The following ZNF600 variants were observed in gnomAD, a reference collection of about 807,000 sequenced individuals.
ZNF600 encodes the protein zinc finger protein 600.
A neutral mutation model predicts 7.3 loss-of-function variants in ZNF600; 4 were observed. The ratio of observed to expected loss-of-function variants is 0.55; its 90% confidence interval spans 0.27 to 1.25. The LOEUF is 1.25. Ranked by LOEUF, ZNF600 falls within the 50% of genes most tolerant of loss-of-function variation. The probability of loss-of-function intolerance (pLI) is 0.12; values close to 1 mark genes in which losing one functional copy is unlikely to be tolerated. For synonymous variants in ZNF600, 290 were observed against 308.9 expected, an observed-to-expected ratio of 0.94 and a Z score of 0.64; for missense variants, 911 against 922.1, an observed-to-expected ratio of 0.99 and a Z score of 0.16.
chr19:52,808,829 C>T, the ZNF600 span, among the ~76,000 whole-genome samples: 12,286 of 151,640 alleles, frequency 0.081, 909 homozygotes, highest in South Asian at 0.2. Flanking sequence ...AAATAAAATA[C>T]GTGAAAACAA....
At chr19:52,773,737 T>C (rs2062649582) in intron 3 of ZNF600, among the ~76,000 whole-genome samples, 1 of 151,978 alleles carries the variant, frequency 6.6e-6, no homozygotes, top group Non-Finnish European at 1.5e-5. Context: ...CCCGGCATGG[T>C]GGTGCATGTC....
Position 52,778,323 on chromosome 19 carries a change from TA to T in ZNF600, c.63+502del, listed in dbSNP as rs531923267. Reference sequence around the variant, plus strand: ...GCACCTGAACCAACATCCTGTCTCTTAAAAAAAAAAAAAGTTTGGAATCACA... The same window carrying T: ...GCACCTGAACCAACATCCTGTCTCTTAAAAAAAAAAAAGTTTGGAATCACA... On this transcript the variant is annotated intron_variant, in intron 2 of 3. Transcript: ENST00000648973. Among the ~76,000 whole-genome samples the T allele has an allele frequency of 7.2e-3, 1,044 of 144,506 alleles. 6 individuals are homozygous for T. The highest frequency in any genetic ancestry group is 0.018 in the African/African-American group (700 of 39,942). The allele number at this position is 144,506 out of a possible 152,430, so 94.8% of individuals were successfully genotyped here.
intron 1 of ZNF600, chr19:52,781,405 C>T (rs57386417): frequency 0.2 from 30,774 of 151,900 alleles, 3,535 homozygotes; most frequent in African/African-American, 0.29. Flanking sequence ...GGAGGAAGGA[C>T]GTGTGGCTGA....
the ZNF600 span, chr19:52,800,401 G>A: frequency 6.2e-7 from 1 of 1,612,602 alleles, no homozygotes; most frequent in Admixed American, 1.7e-5. Flanking sequence ...TGTCTTTCAA[G>A]GTGTGATTTG....
the ZNF600 span, among the ~76,000 whole-genome samples, chr19:52,818,664 G>A: frequency 3.3e-5 from 5 of 151,948 alleles, no homozygotes; most frequent in East Asian, 1.9e-4. Context: ...CCAAGATCGC[G>A]CCACTCCACT....
the ZNF600 span, among the ~76,000 whole-genome samples, chr19:52,817,567 C>T: frequency 1.2e-4 from 19 of 152,048 alleles, no homozygotes; most frequent in Admixed American, 1.2e-3. Context: ...GTACTTTGTG[C>T]ACATTAATAC....
the ZNF600 span, among the ~76,000 whole-genome samples, chr19:52,832,798 G>A: frequency 6.6e-6 from 1 of 151,922 alleles, no homozygotes; most frequent in Non-Finnish European, 1.5e-5. Flanking sequence ...TTGAGATGGA[G>A]TCTTGCCCTG....
the ZNF600 span, among the ~76,000 whole-genome samples, chr19:52,829,001 C>T: frequency 6.6e-6 from 1 of 152,084 alleles, no homozygotes; most frequent in Admixed American, 6.6e-5. Flanking sequence ...GCTGGGAACA[C>T]AGGCGCCTGC....
chr19:52,778,771 C>T (rs1359891698), intron 2 of ZNF600, 55 bp downstream of exon 4: 58 of 1,564,172 alleles, frequency 3.7e-5, no homozygotes, highest in Non-Finnish European at 4.7e-5. Context: ...GCTACAATAC[C>T]TGGCATTTCA....
At chr19:52,788,438 C>A (rs571319893), upstream of ZNF600, among the ~76,000 whole-genome samples, 1 of 152,050 alleles carries the variant, frequency 6.6e-6, no homozygotes, top group Non-Finnish European at 1.5e-5. Flanking sequence ...AAAAAAAATA[C>A]GAGATTTAAT....
the ZNF600 span, among the ~76,000 whole-genome samples, chr19:52,794,574 GGC>G: frequency 6.6e-6 from 1 of 152,150 alleles, no homozygotes; most frequent in Non-Finnish European, 1.5e-5. Context: ...TTCCAGGATG[GGC>G]CGGGCATGGC....
chr19:52,824,264 G>A, the ZNF600 span, among the ~76,000 whole-genome samples: 2 of 151,996 alleles, frequency 1.3e-5, no homozygotes, highest in East Asian at 1.9e-4. Flanking sequence ...TCTTACATAG[G>A]CATCCAGGTA....
chr19:52,825,046 T>C, the ZNF600 span, among the ~76,000 whole-genome samples: 11 of 151,992 alleles, frequency 7.2e-5, no homozygotes, highest in Admixed American at 1.3e-4. Flanking sequence ...GCAGGGCACA[T>C]GGTGCTCTCT....
the ZNF600 span, among the ~76,000 whole-genome samples, chr19:52,803,625 C>A: frequency 1.3e-5 from 2 of 152,168 alleles, no homozygotes. Context: ...AAGATCACTA[C>A]TTTCTGATAT....
chr19:52,829,865 A>G, the ZNF600 span, among the ~76,000 whole-genome samples: 3 of 152,142 alleles, frequency 2.0e-5, no homozygotes, highest in South Asian at 2.1e-4. Flanking sequence ...GAAAAGGAGC[A>G]TGTCATCATC....
the ZNF600 span, chr19:52,805,175 CAGG>C: frequency 6.6e-6 from 1 of 151,670 alleles, no homozygotes; most frequent in Non-Finnish European, 1.5e-5. Context: ...AAGGCTGAGG[CAGG>C]AGAATTGCTT....
At chr19:52,766,105 C>T (rs1204010475) in exon 4 of ZNF600, 1 of 1,614,126 alleles carries the variant, frequency 6.2e-7, no homozygotes, top group Non-Finnish European at 8.5e-7. Context: ...TAAGGTTTCT[C>T]ACCACTATGA....
chr19:52,799,343 C>G, the ZNF600 span: 1 of 499,928 alleles, frequency 2.0e-6, no homozygotes, highest in East Asian at 3.7e-5. Flanking sequence ...TGTCATAAAC[C>G]TTACATCTGT....
upstream of ZNF600, among the ~76,000 whole-genome samples, chr19:52,787,845 G>A (rs1279609929): frequency 5.1e-5 from 7 of 138,414 alleles, no homozygotes; most frequent in African/African-American, 1.9e-4. Flanking sequence ...GGGCGACAGA[G>A]CGAGGCTACG....
Sources: allele counts gnomAD v4.1 joint callset (sites outside exome capture counted in the v4.1 genomes callset), GRCh38; gene constraint gnomAD v4.1.1; transcripts MANE v1.5; gene names NCBI Gene and HGNC (gene_info 2026-07-23, HGNC 2026-07-21).